Variants in MACF1 observed in about 807,000 individuals in gnomAD.
MACF1 encodes the protein microtubule actin crosslinking factor 1.
Under a neutral mutation model 854.8 loss-of-function variants are expected in MACF1, and 193 were observed. That is an observed-to-expected ratio of 0.23 (90% CI 0.20 to 0.25). The LOEUF (loss-of-function observed/expected upper bound fraction) is 0.25. MACF1 is among the 10% of genes least tolerant of loss of function. The pLI, the probability that MACF1 is intolerant of heterozygous loss-of-function variation, is 1.00. For synonymous variants in MACF1, 3,185 were observed against 3,226.7 expected (o/e 0.99, Z 0.44); for missense variants, 7,722 against 8,929.1 (o/e 0.86, Z 5.45).
rs757376311 is a variant in MACF1 at position 39,316,528 on chromosome 1, G to A, written c.3587G>A (p.Arg1196Gln). 1.2e-5 allele frequency: 19 copies of A among 1,611,624 alleles called. No individual in the cohort carries two copies. The highest frequency in any genetic ancestry group is 5.0e-5 in the Admixed American group (3 of 59,738). ...CTGGAGGCCCATTGGTCGACATTAC[G>A]GGTGAGTTGCTCTGAGTTTCTTAGG... is the stretch of plus-strand genomic sequence containing the variant. ...SALEAHWSTL[R>Q]HWLSDVKDKN... Residue 1196 changes from arginine to glutamine, a missense_variant and splice_region_variant, in exon 28 of 101, where the codon CGG becomes CAG. This residue lies in a region of MACF1 where 1,137 missense variants were observed against 1,263.0 expected (regional missense o/e 0.90). Transcript: ENST00000564288.
chr1:39,341,195 G>A (rs1224210423), intron 40 of MACF1, among the ~76,000 whole-genome samples: 1 of 151,188 alleles, frequency 6.6e-6, no homozygotes, highest in Non-Finnish European at 1.5e-5. Flanking sequence ...CTCCACGCCC[G>A]GCTCATTTTT....
At chr1:39,159,616 A>C (rs892761728) in intron 2 of MACF1, among the ~76,000 whole-genome samples, 8 of 152,252 alleles carry the variant, frequency 5.3e-5, no homozygotes, top group African/African-American at 1.9e-4. Context: ...CATCATGGGC[A>C]AATTCTTCAC....
chr1:39,342,748 G>T (rs1044595230), intron 40 of MACF1, among the ~76,000 whole-genome samples: 2 of 151,974 alleles, frequency 1.3e-5, no homozygotes, highest in Non-Finnish European at 2.9e-5. Flanking sequence ...TCGAACTCCT[G>T]ACCTCAGGCA....
intron 58 of MACF1, chr1:39,414,045 A>G (rs1457662241): frequency 1.2e-6 from 2 of 1,604,944 alleles, no homozygotes; most frequent in Admixed American, 1.7e-5. Flanking sequence ...CAGCAGCTGC[A>G]GTGCTCACCC....
At chr1:39,293,825 T>C (rs1215259513) in intron 18 of MACF1, among the ~76,000 whole-genome samples, 1 of 151,984 alleles carries the variant, frequency 6.6e-6, no homozygotes, top group Non-Finnish European at 1.5e-5. Flanking sequence ...AGAATGCATT[T>C]AGAAAGGCAG....
intron 6 of MACF1, among the ~76,000 whole-genome samples, chr1:39,279,444 C>T (rs1645501351): frequency 1.3e-5 from 2 of 151,468 alleles, no homozygotes; most frequent in South Asian, 4.2e-4. Flanking sequence ...TTAATCTCAT[C>T]TATTATGAGT....
Position 39,458,483 on chromosome 1 carries a change from C to T in MACF1, c.21189C>T (p.Ser7063=), listed in dbSNP as rs367941329. The T allele has an allele frequency of 3.7e-6, 6 of 1,612,902 alleles. No homozygotes were observed. Among genetic ancestry groups the T allele is most frequent in the African/African-American group, 2.7e-5 (2 of 74,824 alleles). Residue 7063 remains serine (S), a synonymous_variant, in exon 90 of 101, where the codon AGC becomes AGT. Coordinates refer to ENST00000564288, the MANE Select transcript of MACF1 (RefSeq NM_001394062.1). ...THAPFIEKSR[S]GGRKSLSQPT... is the part of the protein sequence containing the mutation. ...CGCCTTTCATAGAGAAATCCCGCAG[C>T]GGAGGCAGTATGTTTCCAGCCCCCT... is the stretch of plus-strand genomic sequence containing the variant.
intron 85 of MACF1, 80 bp from the exon 86 acceptor site, chr1:39,452,076 A>G: frequency 7.9e-7 from 1 of 1,264,738 alleles, no homozygotes; most frequent in South Asian, 1.5e-5. Context: ...AGAACCTACC[A>G]AGAAAATTAT....
chr1:39,232,753 T>TTTG (rs1553174782), intron 2 of MACF1, among the ~76,000 whole-genome samples: 1 of 42,958 alleles, frequency 2.3e-5, no homozygotes, highest in Non-Finnish European at 6.4e-5. Context: ...TTTGTTTTTT[T>TTTG]TTTTTTTTTT....
At chr1:39,106,420 G>A (rs1642240027) in intron 2 of MACF1, among the ~76,000 whole-genome samples, 1 of 152,118 alleles carries the variant, frequency 6.6e-6, no homozygotes, top group African/African-American at 2.4e-5. Flanking sequence ...CTGCGCCTTG[G>A]GTGTATGGGG....
chr1:39,199,727 G>C (rs1644366123), upstream of MACF1, among the ~76,000 whole-genome samples: 1 of 152,136 alleles, frequency 6.6e-6, no homozygotes, highest in Non-Finnish European at 1.5e-5. Flanking sequence ...CACAGCCCAG[G>C]AGCTTCTTCA....
chr1:39,266,513 G>A (rs747198821), intron 6 of MACF1, among the ~76,000 whole-genome samples: 34 of 151,830 alleles, frequency 2.2e-4, no homozygotes, highest in Admixed American at 1.1e-3. Flanking sequence ...AGGCAGATGG[G>A]ACATCAGGAG....
At chr1:39,186,774 AT>A (rs202154162) in intron 2 of MACF1, among the ~76,000 whole-genome samples, 2 of 150,550 alleles carry the variant, frequency 1.3e-5, no homozygotes, top group Non-Finnish European at 3.0e-5. Flanking sequence ...CGCCTGGCTA[AT>A]TTTTTTTTCT....
At chr1:39,203,386 G>T (rs985686128), upstream of MACF1, among the ~76,000 whole-genome samples, 2 of 152,044 alleles carry the variant, frequency 1.3e-5, no homozygotes, top group Non-Finnish European at 2.9e-5. Flanking sequence ...AAATTTTTTT[G>T]TAGAAATGGG....
At chr1:39,170,304 C>A (rs1201946612) in intron 2 of MACF1, among the ~76,000 whole-genome samples, 1 of 152,112 alleles carries the variant, frequency 6.6e-6, no homozygotes, top group Non-Finnish European at 1.5e-5. Context: ...TCTATTATTC[C>A]CACGGTGCCT....
At chr1:39,217,240 CTATTT>C (rs60350458) in intron 1 of MACF1, among the ~76,000 whole-genome samples, 53,720 of 135,464 alleles carry the variant, frequency 0.4, 11,764 homozygotes, top group South Asian at 0.59. Flanking sequence ...GATTTAGGGT[CTATTT>C]TATTTTATTT....
chr1:39,444,162 C>T (rs1201711120), intron 79 of MACF1, among the ~76,000 whole-genome samples: 1 of 151,998 alleles, frequency 6.6e-6, no homozygotes, highest in Non-Finnish European at 1.5e-5. Flanking sequence ...GGTGAAACCT[C>T]GTCTCTACTA....
At chr1:39,115,773 C>A (rs1642528806) in intron 2 of MACF1, among the ~76,000 whole-genome samples, 1 of 152,078 alleles carries the variant, frequency 6.6e-6, no homozygotes, top group African/African-American at 2.4e-5. Context: ...GTGTCAGAAG[C>A]AGAGAAAGAG....
At chr1:39,180,943 G>C (rs1335292334) in intron 2 of MACF1, among the ~76,000 whole-genome samples, 35 of 152,160 alleles carry the variant, frequency 2.3e-4, no homozygotes, top group Non-Finnish European at 1.5e-5. Flanking sequence ...GTCTGGCTCT[G>C]TTGCCCAGGC....
Sources: allele counts gnomAD v4.1 joint callset (sites outside exome capture counted in the v4.1 genomes callset), GRCh38; gene constraint gnomAD v4.1.1; regional missense constraint gnomAD v4.1.1; transcripts MANE v1.5; gene names NCBI Gene and HGNC (gene_info 2026-07-23, HGNC 2026-07-21).